The following CALN1 variants were observed in gnomAD, a reference collection of about 807,000 sequenced individuals.
The protein encoded by CALN1 is calneuron 1.
In CALN1, 17 loss-of-function variants were observed where a neutral mutation model predicts 30.6. That is an observed-to-expected ratio of 0.56 (90% CI 0.38 to 0.83). CALN1 has a LOEUF of 0.83. Among genes scored for constraint, CALN1 ranks in the 40% least tolerant of loss-of-function variants. CALN1 has a pLI of 0.00. For missense variants in CALN1, 291 were observed against 354.9 expected, an observed-to-expected ratio of 0.82 and a Z score of 1.45; for synonymous variants, 156 against 131.4, an observed-to-expected ratio of 1.19 and a Z score of -1.28.
intron 1 of CALN1, among the ~76,000 whole-genome samples, chr7:72,409,677 G>A (rs948115461): frequency 6.6e-6 from 1 of 152,016 alleles, no homozygotes; most frequent in South Asian, 2.1e-4. Context: ...GGAATGGAGA[G>A]GGATGAACCT....
intron 3 of CALN1, among the ~76,000 whole-genome samples, chr7:72,199,484 T>C (rs1006489986): frequency 1.3e-5 from 2 of 152,092 alleles, no homozygotes; most frequent in African/African-American, 2.4e-5. Flanking sequence ...CCGGGGGGCA[T>C]TGCTCGAGAC....
chr7:72,153,608 G>A (rs1287124605), intron 3 of CALN1, among the ~76,000 whole-genome samples: 2 of 151,998 alleles, frequency 1.3e-5, no homozygotes, highest in East Asian at 1.9e-4. Flanking sequence ...CACTTGAGCC[G>A]GAGTTCAAGG....
intron 1 of CALN1, among the ~76,000 whole-genome samples, chr7:72,405,117 G>C (rs777615721): frequency 2.6e-5 from 4 of 152,104 alleles, no homozygotes; most frequent in Non-Finnish European, 5.9e-5. Context: ...GGAATGATGA[G>C]ATACGACAGG....
intron 6 of CALN1, among the ~76,000 whole-genome samples, chr7:71,795,022 C>CTT (rs1369704896): frequency 6.6e-6 from 1 of 151,788 alleles, no homozygotes; most frequent in African/African-American, 2.4e-5. Context: ...TATTTTTTTT[C>CTT]TTTTCTTTTT....
rs1224158712 is a variant in CALN1, at chr7:71,901,736, C to A, written c.502-91244G>T. Among the ~76,000 whole-genome samples the A allele has an allele frequency of 2.6e-5, 4 of 152,154 alleles. No homozygotes were observed. The East Asian group carries it at 7.7e-4, about 29-fold the overall frequency. On this transcript the variant is annotated intron_variant, in intron 5 of 6. Transcript: ENST00000395275. Reference sequence around the variant, plus strand: ...AGCCATATGCAGAAAAATGAAATGACCCTCTCTCTCACCATATACAAAAGT... The same window carrying A: ...AGCCATATGCAGAAAAATGAAATGAACCTCTCTCTCACCATATACAAAAGT...
At chr7:72,408,111 G>T (rs911766179) in intron 1 of CALN1, among the ~76,000 whole-genome samples, 1 of 151,958 alleles carries the variant, frequency 6.6e-6, no homozygotes, top group African/African-American at 2.4e-5. Context: ...ATCAATGCCA[G>T]TTCCCTTTGG....
chr7:72,408,152 G>A (rs753848087), intron 1 of CALN1, among the ~76,000 whole-genome samples: 24 of 151,852 alleles, frequency 1.6e-4, no homozygotes, highest in Non-Finnish European at 2.6e-4. Context: ...CAAACCGTAG[G>A]CCTGGCATGG....
intron 2 of CALN1, among the ~76,000 whole-genome samples, chr7:72,400,469 C>T (rs887586179): frequency 6.6e-6 from 1 of 152,174 alleles, no homozygotes; most frequent in African/African-American, 2.4e-5. Context: ...AATTTTGAAC[C>T]GGCCATTGCT....
chr7:72,098,293 T>C (rs527323286), intron 4 of CALN1, among the ~76,000 whole-genome samples: 5 of 152,096 alleles, frequency 3.3e-5, no homozygotes, highest in Admixed American at 3.3e-4. Flanking sequence ...AATGGAAGAG[T>C]GACCACAAGA....
intron 1 of CALN1, among the ~76,000 whole-genome samples, chr7:72,409,156 T>C (rs1217880409): frequency 6.6e-6 from 1 of 151,994 alleles, no homozygotes; most frequent in African/African-American, 2.4e-5. Flanking sequence ...CCACCGCTCC[T>C]GGCTAATTTT....
intron 4 of CALN1, among the ~76,000 whole-genome samples, chr7:72,058,941 T>C (rs537687058): frequency 6.6e-6 from 1 of 152,330 alleles, no homozygotes; most frequent in South Asian, 2.1e-4. Flanking sequence ...GTAATCATTT[T>C]GACATGTTTC....
chr7:72,483,780 T>C, the CALN1 span, among the ~76,000 whole-genome samples: 2 of 152,214 alleles, frequency 1.3e-5, no homozygotes, highest in Non-Finnish European at 2.9e-5. Flanking sequence ...TGATACTCTG[T>C]TCCTTGTTTT....
chr7:72,064,606 T>C (rs962964891), intron 4 of CALN1, among the ~76,000 whole-genome samples: 1 of 152,218 alleles, frequency 6.6e-6, no homozygotes, highest in Admixed American at 6.5e-5. Context: ...TATTTTAACA[T>C]AGACAGGGAT....
At chr7:72,215,757 C>A (rs949846571) in intron 3 of CALN1, among the ~76,000 whole-genome samples, 5 of 152,154 alleles carry the variant, frequency 3.3e-5, no homozygotes, top group East Asian at 1.9e-4. Flanking sequence ...GATCTCCCTG[C>A]AAAAAAGAAT....
At chr7:71,929,867 C>A (rs2129520210) in intron 5 of CALN1, among the ~76,000 whole-genome samples, 1 of 152,286 alleles carries the variant, frequency 6.6e-6, no homozygotes, top group South Asian at 2.1e-4. Context: ...GATGAGGGTT[C>A]CAATTTTTCC....
rs1242145952 is a variant in CALN1, at chr7:72,087,523, A to C, written c.388+18628T>G. Among the ~76,000 whole-genome samples the C allele has an allele frequency of 2.0e-5, 3 of 152,194 alleles. No homozygotes were observed. In the East Asian group the frequency reaches 5.8e-4, roughly 29 times the overall value. On this transcript the variant is annotated intron_variant, in intron 4 of 6. Transcript: ENST00000395275. Reference sequence around the variant, plus strand: ...AGAGTGTTAGAAAAGTATCTAGTTTATGTCCTCGACAACTAACTAAAAGAT... The same window carrying C: ...AGAGTGTTAGAAAAGTATCTAGTTTCTGTCCTCGACAACTAACTAAAAGAT...
At position 72,337,529 on chromosome 7, in the gene CALN1, A is replaced by T. The variant is rs1802152681; in HGVS notation, c.120-58719T>A. ...GTGCTCCTTCCTTCCCTTCCCAAAG[A>T]GGCTGCCCACGTTAACTCCGGCAAA... On this transcript the variant is annotated intron_variant, in intron 2 of 6. Coordinates refer to ENST00000395275, the MANE Select transcript of CALN1 (RefSeq NM_031468.4). 5 of 154,478 alleles carry T rather than the reference A, an allele frequency of 3.2e-5. No homozygotes were observed. The Admixed American group carries it at 3.3e-4, about 10-fold the overall frequency. 9.6% of individuals were successfully genotyped at this position (154,478 alleles called of 1,614,324 possible).
At chr7:71,788,148 T>C (rs991843248) in intron 6 of CALN1, among the ~76,000 whole-genome samples, 5 of 152,184 alleles carry the variant, frequency 3.3e-5, no homozygotes, top group Admixed American at 2.0e-4. Context: ...AGAATCATGA[T>C]GGATGTGATG....
At chr7:71,833,909 T>TA (rs1253567853) in intron 5 of CALN1, among the ~76,000 whole-genome samples, 1 of 151,476 alleles carries the variant, frequency 6.6e-6, no homozygotes, top group Non-Finnish European at 1.5e-5. Flanking sequence ...TCCTGTCTCT[T>TA]AAAAAACAAA....
Sources: allele counts gnomAD v4.1 joint callset (sites outside exome capture counted in the v4.1 genomes callset), GRCh38; gene constraint gnomAD v4.1.1; transcripts MANE v1.5; gene names NCBI Gene and HGNC (gene_info 2026-07-23, HGNC 2026-07-21).